Variants in UBAC2 observed in about 807,000 individuals in gnomAD.
UBAC2 encodes the protein ubiquitin-associated domain-containing protein 2.
A neutral mutation model predicts 44.0 loss-of-function variants in UBAC2; 26 were observed. The ratio of observed to expected loss-of-function variants is 0.59; its 90% confidence interval spans 0.43 to 0.82. The LOEUF (loss-of-function observed/expected upper bound fraction) is 0.82. Among genes scored for constraint, UBAC2 ranks in the 40% least tolerant of loss-of-function variants. UBAC2 has a pLI of 0.00. For missense variants in UBAC2, 329 were observed against 419.4 expected, an observed-to-expected ratio of 0.78 and a Z score of 1.88; for synonymous variants, 155 against 154.3, an observed-to-expected ratio of 1.00 and a Z score of -0.04.
chr13:99,316,391 G>A (rs1298756463), intron 5 of UBAC2, among the ~76,000 whole-genome samples: 1 of 151,932 alleles, frequency 6.6e-6, no homozygotes. Context: ...CTACAACCAG[G>A]GACATTGTTG....
rs2045537353 is a variant in UBAC2, at chr13:99,380,485, TCTTA to T, written c.928-4740_928-4737del. Among the ~76,000 whole-genome samples the T allele has an allele frequency of 2.0e-5, 3 of 152,158 alleles. No homozygotes were observed. In the South Asian group the frequency reaches 6.2e-4, roughly 31 times the overall value. ...CTGTGCTGCTAGTTTTTGCTCCAGT[TCTTA>T]CTGTCTATATGGTGAACCTCTGAAA... is the stretch of plus-strand genomic sequence containing the variant. On this transcript the variant is annotated intron_variant, in intron 8 of 8. Transcript: ENST00000403766.
At chr13:99,247,884 T>TTTA (rs1555322991) in intron 4 of UBAC2, among the ~76,000 whole-genome samples, 1 of 151,794 alleles carries the variant, frequency 6.6e-6, no homozygotes, top group Non-Finnish European at 1.5e-5. Context: ...TTTTTTTTTT[T>TTTA]ACCTCACCAC....
intron 6 of UBAC2, among the ~76,000 whole-genome samples, chr13:99,324,193 T>C (rs2044606800): frequency 6.6e-6 from 1 of 152,214 alleles, no homozygotes; most frequent in South Asian, 2.1e-4. Context: ...TTTACTCTAG[T>C]ATTTTTGTTT....
intron 7 of UBAC2, among the ~76,000 whole-genome samples, chr13:99,341,701 A>G (rs1324800106): frequency 2.0e-5 from 3 of 152,222 alleles, no homozygotes; most frequent in African/African-American, 7.2e-5. Flanking sequence ...TCCAAGATGA[A>G]CACAGGCTAC....
At chr13:99,317,140 C>G (rs1205065463) in intron 5 of UBAC2, among the ~76,000 whole-genome samples, 3 of 152,292 alleles carry the variant, frequency 2.0e-5, no homozygotes, top group Admixed American at 2.0e-4. Context: ...CCTTTTGTGT[C>G]TGTCTTCTTT....
At position 99,295,898 on chromosome 13, in the gene UBAC2, G is replaced by A; in HGVS notation, c.390-18199G>A. 6.2e-7 allele frequency: 1 copy of A among 1,613,016 alleles called. No individual in the cohort carries two copies. The highest frequency in any genetic ancestry group is 1.7e-4 in the Middle Eastern group (1 of 6,054). ...ATAGTAGGCTATTCGTGTAGGCAAA[G>A]CGGTGGTAAAAAGTATATCAGAAAT... On this transcript the variant is annotated intron_variant, in intron 4 of 8. Transcript: ENST00000403766. The surrounding 1 kb of genome is among the most constrained non-coding windows in gnomAD (Gnocchi z 4.1).
intron 7 of UBAC2, among the ~76,000 whole-genome samples, chr13:99,355,596 TACCAAA>T (rs777262331): frequency 7.9e-5 from 12 of 152,198 alleles, no homozygotes; most frequent in African/African-American, 2.4e-4. Context: ...TCTCATTCTC[TACCAAA>T]ACCAAAACCA....
chr13:99,369,242 T>C (rs1323536098), intron 8 of UBAC2, among the ~76,000 whole-genome samples: 2 of 152,174 alleles, frequency 1.3e-5, no homozygotes, highest in Non-Finnish European at 2.9e-5. Flanking sequence ...TATTTATATA[T>C]AGATGGTCCC....
intron 7 of UBAC2, chr13:99,351,701 C>T (rs1463405403): frequency 4.4e-6 from 2 of 456,720 alleles, no homozygotes; most frequent in South Asian, 1.5e-5. Context: ...AAATTTCCAT[C>T]TATTTTAGAA....
Position 99,385,600 on chromosome 13 carries a change from G to A in UBAC2, c.*265G>A. ...TGGAGAGTCAGCACTCGTTTTGAAT[G>A]TGTTTAAAATGCATTAAAATGGAAG... On this transcript the variant is annotated 3_prime_UTR_variant, in exon 9 of 9. Coordinates refer to ENST00000403766, the MANE Select transcript of UBAC2 (RefSeq NM_001144072.2). 1 of 448,130 alleles carries A rather than the reference G, an allele frequency of 2.2e-6. No individual in the cohort carries two copies. The highest frequency in any genetic ancestry group is 3.4e-5 in the Admixed American group (1 of 29,032). The allele number at this position is 448,130 out of a possible 1,614,324, so 27.8% of individuals were successfully genotyped here.
At chr13:99,242,477 C>T (rs1170352054) in intron 2 of UBAC2, among the ~76,000 whole-genome samples, 9 of 147,010 alleles carry the variant, frequency 6.1e-5, no homozygotes, top group Non-Finnish European at 1.2e-4. Context: ...CACCTCCCTC[C>T]CCGACGGGGC....
chr13:99,341,247 T>C (rs1035729932), intron 7 of UBAC2, among the ~76,000 whole-genome samples: 3 of 152,194 alleles, frequency 2.0e-5, no homozygotes, highest in Non-Finnish European at 4.4e-5. Context: ...CTCCACCTTC[T>C]TTACCCCTGG....
intron 1 of UBAC2, among the ~76,000 whole-genome samples, chr13:99,233,318 G>C (rs2142714234): frequency 6.6e-6 from 1 of 152,188 alleles, no homozygotes; most frequent in South Asian, 2.1e-4. Context: ...TCACTATGTT[G>C]GCCAGGCTGG....
Position 99,215,883 on chromosome 13 carries a change from G to A in UBAC2, c.31+14944G>A, listed in dbSNP as rs2042988235. 2.5e-5 allele frequency: 11 copies of A among 438,456 alleles called. 1 individual carries two copies. The Admixed American group carries it at 3.2e-4, about 13-fold the overall frequency. 27.2% of individuals were successfully genotyped at this position (438,456 alleles called of 1,614,324 possible). A position where few individuals can be genotyped will look rare whatever the true frequency, so the allele number is the denominator to read the frequency against. Reference sequence around the variant, plus strand: ...GCCCTTTTCAGTTCTTACTATTCCTGATCGGATCAAAGAGAAAATCTTGAT... The same window carrying A: ...GCCCTTTTCAGTTCTTACTATTCCTAATCGGATCAAAGAGAAAATCTTGAT... On this transcript the variant is annotated intron_variant, in intron 1 of 8. Coordinates refer to ENST00000403766, the MANE Select transcript of UBAC2 (RefSeq NM_001144072.2).
intron 6 of UBAC2, among the ~76,000 whole-genome samples, chr13:99,331,545 T>G (rs1290905200): frequency 6.6e-6 from 1 of 152,250 alleles, no homozygotes; most frequent in African/African-American, 2.4e-5. Flanking sequence ...TAATTTAGTA[T>G]CATTTCTATT....
chr13:99,357,579 C>G (rs956731514), intron 7 of UBAC2, among the ~76,000 whole-genome samples: 6 of 152,206 alleles, frequency 3.9e-5, no homozygotes, highest in African/African-American at 1.4e-4. Flanking sequence ...GCTGCAGCTT[C>G]CACAGAGCAC....
At chr13:99,262,498 T>G (rs2043678017) in intron 4 of UBAC2, among the ~76,000 whole-genome samples, 1 of 150,792 alleles carries the variant, frequency 6.6e-6, no homozygotes, top group Non-Finnish European at 1.5e-5. Context: ...AGGTCAGGAG[T>G]TCGAGACTAG....
intron 4 of UBAC2, among the ~76,000 whole-genome samples, chr13:99,247,506 G>A (rs1482953921): frequency 6.6e-6 from 1 of 152,024 alleles, no homozygotes; most frequent in Non-Finnish European, 1.5e-5. Flanking sequence ...GAGCCACCGC[G>A]CCCGGCCTGT....
intron 4 of UBAC2, among the ~76,000 whole-genome samples, chr13:99,247,378 C>T (rs2043399361): frequency 6.6e-6 from 1 of 151,570 alleles, no homozygotes; most frequent in Non-Finnish European, 1.5e-5. Context: ...CCACGCCCGG[C>T]TAATTTTTTG....
Sources: gnomAD v4.1 joint callset for allele counts (sites outside exome capture counted in the v4.1 genomes callset) on GRCh38, gnomAD v4.1.1 for gene constraint, Gnocchi (gnomAD v3.1) non-coding constraint, MANE v1.5 for transcripts, NCBI Gene and HGNC (gene_info 2026-07-23, HGNC 2026-07-21) for gene names.